The following SP140L variants were observed in gnomAD, a reference collection of about 807,000 sequenced individuals.
SP140L encodes the protein nuclear body protein SP140-like protein.
SP140L carries 64 observed loss-of-function variants against 84.3 expected under a neutral mutation model. The observed-to-expected ratio is 0.76, with a 90% confidence interval of 0.62 to 0.94. The LOEUF is 0.94. Among genes scored for constraint, SP140L ranks in the 40% least tolerant of loss-of-function variants. The probability of loss-of-function intolerance (pLI) is 0.00; values close to 1 mark genes in which losing one functional copy is unlikely to be tolerated. For synonymous variants in SP140L, 242 were observed against 236.9 expected (o/e 1.02, Z -0.20); for missense variants, 628 against 692.5 (o/e 0.91, Z 1.05).
At chr2:230,352,785 T>C (rs1029502751) in intron 2 of SP140L, among the ~76,000 whole-genome samples, 1 of 152,008 alleles carries the variant, frequency 6.6e-6, no homozygotes, top group Non-Finnish European at 1.5e-5. Context: ...TAGCTAAAGC[T>C]TCCAAAATAT....
rs557248896 is a variant in SP140L at position 230,363,708 on chromosome 2, G to T, written c.523+2011G>T. 2.8e-5 allele frequency among the ~76,000 whole-genome samples: 4 copies of T among 142,222 alleles called. No homozygotes were observed. The East Asian group carries it at 9.0e-4, about 32-fold the overall frequency. The allele number at this position is 142,222 out of a possible 152,430, so 93.3% of individuals were successfully genotyped here. On this transcript the variant is annotated intron_variant, in intron 5 of 18. Coordinates refer to ENST00000415673, the MANE Select transcript of SP140L (RefSeq NM_138402.6). ...CTCACTTCTTTATTTTTGCTTTTGT[G>T]ATTGTGTTTTTGGTGTCATACCAAA...
At chr2:230,357,753 A>G (rs2060591779) in intron 2 of SP140L, 52 bp from the exon 3 acceptor site, 2 of 1,561,810 alleles carry the variant, frequency 1.3e-6, no homozygotes, top group South Asian at 2.4e-5. Flanking sequence ...CCATCTCCAC[A>G]AACATCTCAG....
chr2:230,360,641 G>A (rs1344077976), intron 4 of SP140L, among the ~76,000 whole-genome samples: 1 of 152,172 alleles, frequency 6.6e-6, no homozygotes, highest in Non-Finnish European at 1.5e-5. Flanking sequence ...CCTCTGCATG[G>A]ACTGCAGGGA....
At chr2:230,350,925 C>T (rs1371540983) in intron 2 of SP140L, among the ~76,000 whole-genome samples, 1 of 152,074 alleles carries the variant, frequency 6.6e-6, no homozygotes, top group Non-Finnish European at 1.5e-5. Context: ...TAGAGTATGT[C>T]TGGTTAGTCA....
intron 7 of SP140L, among the ~76,000 whole-genome samples, chr2:230,376,106 T>A (rs1357704029): frequency 6.6e-6 from 1 of 152,172 alleles, no homozygotes; most frequent in African/African-American, 2.4e-5. Context: ...AAATATCTCA[T>A]TTCATTATTT....
At chr2:230,398,243 G>A (rs888707823) in intron 14 of SP140L, among the ~76,000 whole-genome samples, 1 of 152,214 alleles carries the variant, frequency 6.6e-6, no homozygotes, top group African/African-American at 2.4e-5. Flanking sequence ...ACCAGTGCCT[G>A]TGCCTCAACC....
At chr2:230,372,740 A>AAG (rs2061124406) in intron 7 of SP140L, 1 of 151,438 alleles carries the variant, frequency 6.6e-6, no homozygotes, top group South Asian at 2.1e-4. Context: ...AAAAAAAAAA[A>AAG]AAAAAAAGAA....
chr2:230,359,989 T>TGGTATTGGTGCTATACCAAACTAAAGTTG (rs2060665444), intron 4 of SP140L, among the ~76,000 whole-genome samples: 2 of 151,532 alleles, frequency 1.3e-5, no homozygotes, highest in Non-Finnish European at 1.5e-5. Flanking sequence ...AACTAAAGTT[T>TGGTATTGGTGCTATACCAAACTAAAGTTG]TGATTCTTGA....
At chr2:230,382,721 G>C (rs185422690) in intron 7 of SP140L, among the ~76,000 whole-genome samples, 1 of 152,212 alleles carries the variant, frequency 6.6e-6, no homozygotes, top group African/African-American at 2.4e-5. Context: ...TAGGTCTACA[G>C]AACACTTGCA....
chr2:230,381,828 AG>A (rs1408963841), intron 7 of SP140L, among the ~76,000 whole-genome samples: 3 of 152,126 alleles, frequency 2.0e-5, no homozygotes, highest in African/African-American at 7.2e-5. Flanking sequence ...CTAAGGTACA[AG>A]TCACTTTATG....
At chr2:230,376,408 T>G (rs1487816644) in intron 7 of SP140L, among the ~76,000 whole-genome samples, 1 of 152,156 alleles carries the variant, frequency 6.6e-6, no homozygotes, top group East Asian at 1.9e-4. Flanking sequence ...AGTTGCAAGA[T>G]TTAAAGATCA....
intron 5 of SP140L, among the ~76,000 whole-genome samples, chr2:230,369,989 G>C (rs545097249): frequency 7.4e-5 from 11 of 147,930 alleles, no homozygotes; most frequent in Non-Finnish European, 1.0e-4. Flanking sequence ...GGCCAGGCTG[G>C]TCTTGAATTC....
chr2:230,364,661 G>A (rs1020606348), intron 5 of SP140L, among the ~76,000 whole-genome samples: 1 of 151,954 alleles, frequency 6.6e-6, no homozygotes, highest in African/African-American at 2.4e-5. Context: ...TTCTGTCTAG[G>A]ACTTGCAGTA....
At chr2:230,357,676 C>T in intron 2 of SP140L, 129 bp from the exon 3 acceptor site, 1 of 864,736 alleles carries the variant, frequency 1.2e-6, no homozygotes, top group Non-Finnish European at 1.8e-6. Context: ...ATTCTGGGCT[C>T]TACTGAGGAC....
intron 2 of SP140L, among the ~76,000 whole-genome samples, chr2:230,340,909 C>G (rs1575439596): frequency 2.7e-5 from 4 of 148,324 alleles, no homozygotes; most frequent in East Asian, 4.0e-4. Flanking sequence ...AGCTTTCTCT[C>G]TGGCTGCCCT....
intron 7 of SP140L, among the ~76,000 whole-genome samples, chr2:230,381,711 T>TAC (rs71052506): frequency 0.054 from 7,913 of 146,522 alleles, 256 homozygotes; most frequent in East Asian, 0.067. Context: ...CCTGTCTCTC[T>TAC]ACACACACAC....
chr2:230,392,646 A>C (rs377236530), intron 12 of SP140L, among the ~76,000 whole-genome samples: 3 of 152,350 alleles, frequency 2.0e-5, no homozygotes, highest in African/African-American at 7.2e-5. Flanking sequence ...TGGGTTGTGT[A>C]CAATAAGGCA....
In SP140L at chr2:230,400,149, A is replaced by G. The variant is rs769236348; in HGVS notation, c.1220A>G (p.Glu407Gly). 69 of 1,614,144 alleles carry G rather than the reference A, an allele frequency of 4.3e-5. No homozygotes were observed. In the East Asian group the frequency reaches 1.3e-3, roughly 30 times the overall value. The change falls in exon 15 of 19, where the codon GAG becomes GGG. Residue 407 changes from glutamate to glycine, a missense_variant. By Grantham distance (98) the Glu-to-Gly change is moderately conservative. Coordinates refer to ENST00000415673, the MANE Select transcript of SP140L (RefSeq NM_138402.6). Reference protein sequence around the residue: ...DPCMRNLDECEVCRDGGELFC... With the variant: ...DPCMRNLDECGVCRDGGELFC... ...TAGATGAGAAACTTGGATGAGTGTG[A>G]GGTGTGCCGGGACGGAGGGGAGCTG...
Position 230,393,425 on chromosome 2 carries a change from A to G in SP140L, c.1119A>G (p.Leu373=). ...PLRRLMEEGS[L]PNPPRIYYRN... The stretch of plus-strand genomic sequence containing the variant: ...TTTTTATCTTTCAGGAAGGATCTCT[A>G]CCTAATCCTCCAAGAATATATTACA... The change falls in exon 13 of 19, where the codon CTA becomes CTG. Residue 373 remains leucine, a synonymous_variant. Transcript: ENST00000415673. The G allele has an allele frequency of 6.3e-7, 1 of 1,586,530 alleles. No individual in the cohort carries two copies. Among genetic ancestry groups the G allele is most frequent in the South Asian group, 1.2e-5 (1 of 84,498 alleles).
Sources: gnomAD v4.1 joint callset for allele counts (sites outside exome capture counted in the v4.1 genomes callset) on GRCh38, gnomAD v4.1.1 for gene constraint, MANE v1.5 for transcripts, NCBI Gene and HGNC (gene_info 2026-07-23, HGNC 2026-07-21) for gene names.